MARCHF8: variants seen among roughly 807,000 people sequenced by gnomAD.
MARCHF8 encodes E3 ubiquitin-protein ligase MARCHF8.
In MARCHF8, 40 loss-of-function variants were observed where a neutral mutation model predicts 51.6. The observed-to-expected ratio is 0.77, with a 90% CI of 0.60 to 1.01. The LOEUF (loss-of-function observed/expected upper bound fraction) is 1.01. Among genes scored for constraint, MARCHF8 ranks in the 50% least tolerant of loss-of-function variants. The probability of loss-of-function intolerance (pLI) is 0.00; values close to 1 mark genes in which losing one functional copy is unlikely to be tolerated. For synonymous variants in MARCHF8, 263 were observed against 280.3 expected (o/e 0.94, Z 0.62); for missense variants, 685 against 708.6 (o/e 0.97, Z 0.38).
chr10:45,490,217 G>T (rs1333231092), intron 2 of MARCHF8, among the ~76,000 whole-genome samples: 1 of 152,164 alleles, frequency 6.6e-6, no homozygotes, highest in East Asian at 1.9e-4. Context: ...TCCCTTCTGT[G>T]AAAATTTAGA....
At chr10:45,584,006 CAAAAAAAA>C (rs67624741) in intron 1 of MARCHF8, among the ~76,000 whole-genome samples, 1 of 53,048 alleles carries the variant, frequency 1.9e-5, no homozygotes, top group African/African-American at 7.6e-5. Flanking sequence ...ACTTCATTTC[CAAAAAAAA>C]AAAAAAAAAA....
At chr10:45,567,789 T>C (rs2044381740) in intron 1 of MARCHF8, among the ~76,000 whole-genome samples, 1 of 152,192 alleles carries the variant, frequency 6.6e-6, no homozygotes, top group South Asian at 2.1e-4. Context: ...TCCATAAAAA[T>C]TTTGGGATTG....
In MARCHF8 at chr10:45,463,786, T is replaced by G. The variant is rs1564464734; in HGVS notation, c.453A>C (p.Thr151=). The G allele has an allele frequency of 1.9e-6, 3 of 1,550,880 alleles. No homozygotes were observed. The highest frequency in any genetic ancestry group is 2.6e-6 in the Non-Finnish European group (3 of 1,147,128). ...CATTGAGGGACCTTGAGAACTTTAGTGTTCTTCTGGCTTTGGTATTCTTAG... is the reference window on the plus strand; with the variant it reads ...CATTGAGGGACCTTGAGAACTTTAGGGTTCTTCTGGCTTTGGTATTCTTAG... ...KPAKNTKARR[T]LKFSRSLNDV... is the part of the protein sequence containing the mutation. The change falls in exon 5 of 8, where the codon ACA becomes ACC. Residue 151 remains threonine, a synonymous_variant. Transcript: ENST00000453424.
intron 3 of MARCHF8, among the ~76,000 whole-genome samples, chr10:45,469,123 A>G (rs1843071518): frequency 6.6e-6 from 1 of 152,000 alleles, no homozygotes; most frequent in South Asian, 2.1e-4. Context: ...AAAAATGGGA[A>G]AAGTTCTCAT....
intron 1 of MARCHF8, among the ~76,000 whole-genome samples, chr10:45,557,116 C>CTTTTTTTT (rs58172142): frequency 1.5e-5 from 1 of 66,208 alleles, no homozygotes; most frequent in Non-Finnish European, 2.8e-5. Flanking sequence ...GGTGCCTATT[C>CTTTTTTTT]TTTTTTTTTT....
At chr10:45,519,253 C>T (rs1474469741) in intron 2 of MARCHF8, among the ~76,000 whole-genome samples, 3 of 152,188 alleles carry the variant, frequency 2.0e-5, no homozygotes, top group Non-Finnish European at 4.4e-5. Flanking sequence ...TACTCTATTA[C>T]ATGAGATAAA....
At chr10:45,537,080 T>C (rs968374982), upstream of MARCHF8, among the ~76,000 whole-genome samples, 3 of 152,092 alleles carry the variant, frequency 2.0e-5, no homozygotes, top group African/African-American at 7.2e-5. Context: ...AGTCTGGCTC[T>C]TTCTCAAAAG....
chr10:45,537,753 A>G (rs192210735), upstream of MARCHF8, among the ~76,000 whole-genome samples: 1 of 152,262 alleles, frequency 6.6e-6, no homozygotes, highest in Non-Finnish European at 1.5e-5. Context: ...CAGAGGAGAT[A>G]AATCTATAGA....
intron 2 of MARCHF8, among the ~76,000 whole-genome samples, chr10:45,503,585 A>AC (rs1163163768): frequency 1.9e-4 from 28 of 147,714 alleles, no homozygotes; most frequent in African/African-American, 7.0e-4. Flanking sequence ...AAAACTAAAA[A>AC]TAAATAAAAA....
chr10:45,521,714 C>T (rs550167320), intron 2 of MARCHF8, among the ~76,000 whole-genome samples: 2 of 152,280 alleles, frequency 1.3e-5, no homozygotes, highest in African/African-American at 4.8e-5. Flanking sequence ...TTGTCTACTG[C>T]GACGCTTTCT....
At chr10:45,491,186 C>T (rs890808101) in intron 2 of MARCHF8, among the ~76,000 whole-genome samples, 3 of 152,190 alleles carry the variant, frequency 2.0e-5, no homozygotes, top group Admixed American at 2.0e-4. Flanking sequence ...AGTCACCATA[C>T]CTGACCTGTT....
At chr10:45,529,609 T>A (rs2043845209) in intron 2 of MARCHF8, among the ~76,000 whole-genome samples, 2 of 152,020 alleles carry the variant, frequency 1.3e-5, no homozygotes, top group Admixed American at 1.3e-4. Flanking sequence ...TACAAAGAAC[T>A]CAACAAGAAA....
chr10:45,513,153 C>G (rs975805677), intron 2 of MARCHF8, among the ~76,000 whole-genome samples: 3 of 151,310 alleles, frequency 2.0e-5, no homozygotes, highest in Non-Finnish European at 2.9e-5. Flanking sequence ...ATCTGCTGAC[C>G]TTCCCTCCAC....
At chr10:45,574,176 C>A (rs1473314160) in intron 1 of MARCHF8, among the ~76,000 whole-genome samples, 4 of 152,100 alleles carry the variant, frequency 2.6e-5, no homozygotes, top group African/African-American at 9.7e-5. Context: ...GTCACCCTTA[C>A]CCCACTTAAT....
At chr10:45,571,948 T>C (rs930110492) in intron 1 of MARCHF8, among the ~76,000 whole-genome samples, 3 of 152,130 alleles carry the variant, frequency 2.0e-5, no homozygotes, top group African/African-American at 7.2e-5. Context: ...CGGGGACACC[T>C]ACCTGATTAT....
At position 45,464,271 on chromosome 10, in the gene MARCHF8, A is replaced by C. The variant is rs759810695; in HGVS notation, c.210T>G (p.Thr70=). Residue 70 remains threonine, a synonymous_variant, in exon 4 of 8, where the codon ACT becomes ACG. Coordinates refer to ENST00000453424, the MANE Select transcript of MARCHF8 (RefSeq NM_001282866.2). The part of the protein sequence containing the change: ...APAPVSSFSR[T]SITPSSQDIC... ...TGTCCTGGCTGGATGGCGTGATAGA[A>C]GTGCGAGAGAAGGAGGACACCGGAG... The C allele has an allele frequency of 3.2e-5, 51 of 1,614,096 alleles. No individual in the cohort carries two copies. Among genetic ancestry groups the C allele is most frequent in the Non-Finnish European group, 4.0e-5 (47 of 1,180,044 alleles).
At chr10:45,462,629 G>GT (rs1417701965) in intron 5 of MARCHF8, among the ~76,000 whole-genome samples, 14 of 138,108 alleles carry the variant, frequency 1.0e-4, no homozygotes, top group African/African-American at 3.4e-4. Flanking sequence ...TTTTTGTTTT[G>GT]TTTTGTTTTT....
upstream of MARCHF8, among the ~76,000 whole-genome samples, chr10:45,539,656 G>T (rs1185574716): frequency 6.6e-6 from 1 of 152,172 alleles, no homozygotes; most frequent in Non-Finnish European, 1.5e-5. Context: ...TGATCCCACA[G>T]AAATACCAAC....
At chr10:45,593,008 T>C (rs994519972) in intron 1 of MARCHF8, among the ~76,000 whole-genome samples, 1 of 152,176 alleles carries the variant, frequency 6.6e-6, no homozygotes, top group African/African-American at 2.4e-5. Context: ...AAAGGTAGAA[T>C]AGTAATCAAT....
Sources: allele counts gnomAD v4.1 joint callset (sites outside exome capture counted in the v4.1 genomes callset), GRCh38; gene constraint gnomAD v4.1.1; transcripts MANE v1.5; gene names NCBI Gene and HGNC (gene_info 2026-07-23, HGNC 2026-07-21).